The following SORCS1 variants were observed in gnomAD, a reference collection of about 807,000 sequenced individuals.
The protein encoded by SORCS1 is sortilin related VPS10 domain containing receptor 1.
SORCS1 carries 60 observed loss-of-function variants against 146.1 expected under a neutral mutation model. The ratio of observed to expected loss-of-function variants is 0.41; its 90% confidence interval spans 0.33 to 0.51. The LOEUF (loss-of-function observed/expected upper bound fraction) is 0.51. SORCS1 is among the 20% of genes least tolerant of loss of function. The pLI, the probability that SORCS1 is intolerant of heterozygous loss-of-function variation, is 0.21. For missense variants in SORCS1, 1,352 were observed against 1,487.6 expected (o/e 0.91, Z 1.50); for synonymous variants, 637 against 584.0 (o/e 1.09, Z -1.31).
intron 3 of SORCS1, among the ~76,000 whole-genome samples, chr10:106,792,454 C>A (rs375213109): frequency 6.6e-6 from 1 of 152,164 alleles, no homozygotes; most frequent in Non-Finnish European, 1.5e-5. Context: ...CATTACACAG[C>A]GCTTTACAAA....
At chr10:106,677,640 T>C (rs1184317014) in intron 12 of SORCS1, among the ~76,000 whole-genome samples, 3 of 152,252 alleles carry the variant, frequency 2.0e-5, no homozygotes, top group Non-Finnish European at 4.4e-5. Context: ...TGAATATTTA[T>C]GGGTTCATGC....
At chr10:106,988,611 C>A (rs994516667) in intron 1 of SORCS1, among the ~76,000 whole-genome samples, 1 of 151,994 alleles carries the variant, frequency 6.6e-6, no homozygotes, top group African/African-American at 2.4e-5. Flanking sequence ...TCCTAGAAAT[C>A]TTTTGACTGC....
At chr10:106,580,080 T>C (rs959738632) in intron 24 of SORCS1, among the ~76,000 whole-genome samples, 2 of 152,102 alleles carry the variant, frequency 1.3e-5, no homozygotes, top group African/African-American at 4.8e-5. Context: ...ACTCCAGTAG[T>C]TGTCATGTGA....
upstream of SORCS1, among the ~76,000 whole-genome samples, chr10:107,165,212 G>T (rs138789515): frequency 3.7e-3 from 568 of 152,030 alleles, 2 homozygotes; most frequent in African/African-American, 0.011. This position sits in a 1 kb window ranked among gnomAD's most constrained non-coding sequence, Gnocchi z 4.0. Flanking sequence ...ACCCGCAGCA[G>T]AGCCTGTGTG....
chr10:106,602,536 C>CAG (rs568344840), intron 23 of SORCS1, among the ~76,000 whole-genome samples: 3,005 of 151,292 alleles, frequency 0.02, 35 homozygotes, highest in Middle Eastern at 0.048. Flanking sequence ...CACACACACA[C>CAG]ACACACACAC....
At chr10:106,839,811 A>G (rs1163216480) in intron 2 of SORCS1, among the ~76,000 whole-genome samples, 3 of 152,208 alleles carry the variant, frequency 2.0e-5, no homozygotes, top group African/African-American at 7.2e-5. Flanking sequence ...AAAATCCTGG[A>G]GTCCATAAGA....
rs1728582050 is a variant in SORCS1 at position 106,700,441 on chromosome 10, AAAAC to A, written c.1234-1052_1234-1049del. ...CCAAAAAAATTAAAGCTAAGTAACC[AAAAC>A]AAACAAACGAAAACAAAGATTGCAT... On this transcript the variant is annotated intron_variant, in intron 8 of 25. Transcript: ENST00000263054. Among the ~76,000 whole-genome samples, 4 of 49,100 alleles carry A rather than the reference AAAAC, an allele frequency of 8.1e-5. No individual in the cohort carries two copies. In the South Asian group the frequency reaches 2.7e-3, roughly 33 times the overall value. 32.2% of individuals were successfully genotyped at this position (49,100 alleles called of 152,430 possible).
chr10:106,590,468 C>T (rs1845533719), intron 24 of SORCS1, among the ~76,000 whole-genome samples: 1 of 152,080 alleles, frequency 6.6e-6, no homozygotes, highest in Non-Finnish European at 1.5e-5. Flanking sequence ...ATGGATCCTG[C>T]CCTTGAGTAC....
chr10:107,084,632 A>G (rs2134263129), intron 1 of SORCS1, among the ~76,000 whole-genome samples: 1 of 152,328 alleles, frequency 6.6e-6, no homozygotes, highest in East Asian at 1.9e-4. Flanking sequence ...TGAATGGTTA[A>G]TAATAGTCTA....
chr10:106,579,288 T>A, intron 25 of SORCS1, 81 bp downstream of exon 25: 1 of 1,614,032 alleles, frequency 6.2e-7, no homozygotes, highest in Non-Finnish European at 8.5e-7. Flanking sequence ...GCTATGCACA[T>A]CACTGTAACA....
intron 1 of SORCS1, among the ~76,000 whole-genome samples, chr10:107,071,616 C>T (rs1275811366): frequency 6.6e-6 from 1 of 152,174 alleles, no homozygotes; most frequent in Non-Finnish European, 1.5e-5. Flanking sequence ...AAAATCATCC[C>T]TCTAGATTAA....
chr10:107,044,748 G>A (rs1959221467), intron 1 of SORCS1, among the ~76,000 whole-genome samples: 1 of 149,572 alleles, frequency 6.7e-6, no homozygotes, highest in Admixed American at 6.7e-5. Flanking sequence ...GCTTGAGTAG[G>A]TTGCAGTGAG....
At chr10:106,585,223 C>CA (rs202057062) in intron 24 of SORCS1, among the ~76,000 whole-genome samples, 10,764 of 111,990 alleles carry the variant, frequency 0.096, 809 homozygotes, top group East Asian at 0.28. Flanking sequence ...GACTCTGTCT[C>CA]AAAAAAAAAA....
At chr10:106,732,098 A>G (rs954311395) in intron 5 of SORCS1, among the ~76,000 whole-genome samples, 1 of 152,216 alleles carries the variant, frequency 6.6e-6, no homozygotes, top group Non-Finnish European at 1.5e-5. Context: ...GGAGAAAAGA[A>G]GTCTCCTTAA....
chr10:106,994,123 C>A (rs548442363), intron 1 of SORCS1, among the ~76,000 whole-genome samples: 2 of 147,272 alleles, frequency 1.4e-5, no homozygotes, highest in South Asian at 2.2e-4. Flanking sequence ...AATTCATGGT[C>A]TTAGTAAAAA....
Position 106,700,453 on chromosome 10 carries a change from C to T in SORCS1, c.1234-1060G>A, listed in dbSNP as rs530814290. 2.3e-3 allele frequency among the ~76,000 whole-genome samples: 27 copies of T among 11,678 alleles called. No homozygotes were observed. The South Asian group carries it at 0.13, about 55-fold the overall frequency. The allele number at this position is 11,678 out of a possible 152,430, so 7.7% of individuals were successfully genotyped here. A position where few individuals can be genotyped will look rare whatever the true frequency, so the allele number is the denominator to read the frequency against. Reference sequence around the variant, plus strand: ...AAGCTAAGTAACCAAAACAAACAAACGAAAACAAAGATTGCATATAACCAC... The same window carrying T: ...AAGCTAAGTAACCAAAACAAACAAATGAAAACAAAGATTGCATATAACCAC... On this transcript the variant is annotated intron_variant, in intron 8 of 25. Transcript: ENST00000263054.
chr10:106,935,404 G>T (rs142103183), intron 2 of SORCS1, among the ~76,000 whole-genome samples: 1,808 of 152,220 alleles, frequency 0.012, 20 homozygotes, highest in Non-Finnish European at 0.017. Flanking sequence ...TAATTTAGTA[G>T]TCACAAAATA....
chr10:106,657,376 G>T (rs960332339), intron 17 of SORCS1, among the ~76,000 whole-genome samples: 2 of 152,130 alleles, frequency 1.3e-5, no homozygotes, highest in Non-Finnish European at 2.9e-5. Flanking sequence ...AATACCACAT[G>T]TTGTTACCTA....
At chr10:107,160,844 T>C (rs1282125957) in intron 1 of SORCS1, among the ~76,000 whole-genome samples, 2 of 152,214 alleles carry the variant, frequency 1.3e-5, no homozygotes, top group Non-Finnish European at 2.9e-5. Flanking sequence ...CCATTATGCA[T>C]ACATATAAAG....
Sources: allele counts gnomAD v4.1 joint callset (sites outside exome capture counted in the v4.1 genomes callset), GRCh38; gene constraint gnomAD v4.1.1; non-coding constraint Gnocchi (gnomAD v3.1); transcripts MANE v1.5; gene names NCBI Gene and HGNC (gene_info 2026-07-23, HGNC 2026-07-21).